APIP: variants seen among roughly 807,000 people sequenced by gnomAD.
APIP encodes the protein methylthioribulose-1-phosphate dehydratase.
APIP carries 32 observed loss-of-function variants against 32.0 expected under a neutral mutation model. The ratio of observed to expected loss-of-function variants is 1.00; its 90% CI spans 0.76 to 1.34. The LOEUF (loss-of-function observed/expected upper bound fraction) is 1.34, where lower values mean the gene tolerates loss of function less well. Among genes scored for constraint, APIP ranks in the 40% most tolerant of loss-of-function variants. APIP has a pLI of 0.00. For synonymous variants in APIP, 92 were observed against 94.8 expected (o/e 0.97, Z 0.17); for missense variants, 247 against 298.6 (o/e 0.83, Z 1.27).
chr11:34,894,944 A>G (rs1853242777), intron 2 of APIP, 66 bp downstream of exon 2: 1 of 1,366,648 alleles, frequency 7.3e-7, no homozygotes, highest in African/African-American at 1.4e-5. Flanking sequence ...TGGATATAAC[A>G]CATTAGACTT....
intron 1 of APIP, among the ~76,000 whole-genome samples, chr11:34,911,765 A>T (rs1453735506): frequency 6.6e-6 from 1 of 152,152 alleles, no homozygotes; most frequent in Non-Finnish European, 1.5e-5. Flanking sequence ...CCATCTGGCC[A>T]ATCTAAAATG....
chr11:34,894,946 A>C (rs966211278), intron 2 of APIP, 64 bp downstream of exon 2: 1 of 1,399,722 alleles, frequency 7.1e-7, no homozygotes, highest in African/African-American at 1.4e-5. Context: ...GATATAACAC[A>C]TTAGACTTGC....
At chr11:34,885,632 C>T (rs1853055202) in intron 5 of APIP, among the ~76,000 whole-genome samples, 1 of 152,132 alleles carries the variant, frequency 6.6e-6, no homozygotes, top group Admixed American at 6.6e-5. Flanking sequence ...TGCAAGACTG[C>T]ATCCTTTGAA....
Position 34,894,863 on chromosome 11 carries a change from CA to C in APIP, c.158+146del, listed in dbSNP as rs1054536440. 7.3e-6 allele frequency: 5 copies of C among 689,096 alleles called. No homozygotes were observed. The African/African-American group carries it at 8.9e-5, about 12-fold the overall frequency. 42.7% of individuals were successfully genotyped at this position (689,096 alleles called of 1,614,324 possible). A position where few individuals can be genotyped will look rare whatever the true frequency, so the allele number is the denominator to read the frequency against. On this transcript the variant is annotated intron_variant, in intron 2 of 6. Transcript: ENST00000395787. ...TGTACATTGCTTCCATTCAGTTACA[CA>C]AATGTCCACTTGTCCATTTAGAAAC...
At chr11:34,894,876 G>T in intron 2 of APIP, 134 bp downstream of exon 2, 1 of 742,160 alleles carries the variant, frequency 1.3e-6, no homozygotes, top group Non-Finnish European at 2.3e-6. Context: ...ATGTCCACTT[G>T]TCCATTTAGA....
chr11:34,894,467 CAAA>C (rs57079015), intron 2 of APIP, among the ~76,000 whole-genome samples: 1 of 86,230 alleles, frequency 1.2e-5, no homozygotes, highest in Non-Finnish European at 2.2e-5. Context: ...CCAGTCTCTA[CAAA>C]AAAAAAAAAA....
chr11:34,907,238 T>C (rs911140408), intron 1 of APIP, among the ~76,000 whole-genome samples: 1 of 152,358 alleles, frequency 6.6e-6, no homozygotes, highest in East Asian at 1.9e-4. Context: ...AATTTGCTAC[T>C]TCCTTATTTA....
intron 1 of APIP, among the ~76,000 whole-genome samples, chr11:34,898,681 C>T (rs960802218): frequency 6.6e-6 from 1 of 151,964 alleles, no homozygotes; most frequent in African/African-American, 2.4e-5. Flanking sequence ...TCCCCGCTCC[C>T]ACCCAGAGTG....
chr11:34,894,919 T>A, intron 2 of APIP, 91 bp downstream of exon 2: 1 of 1,130,466 alleles, frequency 8.8e-7, no homozygotes, highest in Non-Finnish European at 1.3e-6. Flanking sequence ...ATAAAACTGA[T>A]CATCAGTTGT....
intron 1 of APIP, among the ~76,000 whole-genome samples, chr11:34,910,687 A>T (rs1274672146): frequency 1.3e-5 from 2 of 152,134 alleles, no homozygotes; most frequent in Non-Finnish European, 2.9e-5. Context: ...TAGAGTGCTT[A>T]TTTTGTGCCA....
intron 5 of APIP, among the ~76,000 whole-genome samples, chr11:34,886,129 C>T (rs912056231): frequency 6.6e-6 from 1 of 152,040 alleles, no homozygotes; most frequent in Non-Finnish European, 1.5e-5. Context: ...GCAGGTCCTT[C>T]AGGAGGTATT....
intron 5 of APIP, 58 bp downstream of exon 5, chr11:34,888,235 T>G (rs1853111278): frequency 1.4e-6 from 2 of 1,432,618 alleles, no homozygotes; most frequent in Non-Finnish European, 1.9e-6. Flanking sequence ...GTATTCTATT[T>G]ATCAAAGAGA....
intron 1 of APIP, among the ~76,000 whole-genome samples, chr11:34,907,205 G>A (rs752656059): frequency 6.6e-6 from 1 of 152,132 alleles, no homozygotes; most frequent in African/African-American, 2.4e-5. Context: ...AAGAAATCTA[G>A]CCCAAATTAC....
intron 1 of APIP, among the ~76,000 whole-genome samples, chr11:34,908,931 T>C (rs535447137): frequency 2.0e-5 from 3 of 149,572 alleles, no homozygotes; most frequent in East Asian, 3.9e-4. Context: ...TCATGGATGA[T>C]TGAAAACCAC....
chr11:34,891,258 G>A (rs1021978787), intron 2 of APIP, among the ~76,000 whole-genome samples: 2 of 152,078 alleles, frequency 1.3e-5, no homozygotes, highest in Non-Finnish European at 2.9e-5. Flanking sequence ...TTACCACAAG[G>A]TGCTCTCAAA....
intron 1 of APIP, among the ~76,000 whole-genome samples, chr11:34,903,523 A>AAGGTGTAAGGTATGGACCTGTAAGGT (rs1853398640): frequency 6.6e-6 from 1 of 152,210 alleles, no homozygotes; most frequent in Non-Finnish European, 1.5e-5. Context: ...CCTTACCACC[A>AAGGTGTAAGGTATGGACCTGTAAGGT]ATGGACCGCC....
At chr11:34,904,262 G>A (rs1195723905) in intron 1 of APIP, among the ~76,000 whole-genome samples, 1 of 152,162 alleles carries the variant, frequency 6.6e-6, no homozygotes, top group East Asian at 1.9e-4. Flanking sequence ...TACCTTCAAA[G>A]TGACAATGGG....
chr11:34,915,238 C>G (rs552094572), intron 1 of APIP, among the ~76,000 whole-genome samples: 5 of 152,316 alleles, frequency 3.3e-5, no homozygotes, highest in South Asian at 4.1e-4. Context: ...CAGGAACGAT[C>G]TCCAGTTACC....
chr11:34,912,939 A>G (rs1411233138), intron 1 of APIP, among the ~76,000 whole-genome samples: 1 of 152,150 alleles, frequency 6.6e-6, no homozygotes, highest in Admixed American at 6.5e-5. Context: ...CATGTCCACA[A>G]CACACCCATC....
Sources: gnomAD v4.1 joint callset for allele counts (sites outside exome capture counted in the v4.1 genomes callset) on GRCh38, gnomAD v4.1.1 for gene constraint, MANE v1.5 for transcripts, NCBI Gene and HGNC (gene_info 2026-07-23, HGNC 2026-07-21) for gene names.